The following PRR3 variants were observed in gnomAD, a reference collection of about 807,000 sequenced individuals.
PRR3 encodes proline rich 3.
Under a neutral mutation model 22.4 loss-of-function variants are expected in PRR3, and 16 were observed. The ratio of observed to expected loss-of-function variants is 0.71; its 90% CI spans 0.48 to 1.09. The LOEUF (loss-of-function observed/expected upper bound fraction) is 1.09, where lower values mean the gene tolerates loss of function less well. Among genes scored for constraint, PRR3 ranks in the 50% least tolerant of loss-of-function variants. The pLI, the probability that PRR3 is intolerant of heterozygous loss-of-function variation, is 0.00. For missense variants in PRR3, 224 were observed against 243.4 expected (o/e 0.92, Z 0.53); for synonymous variants, 87 against 88.6 (o/e 0.98, Z 0.10).
At chr6:30,558,700 A>G (rs957183911) in intron 2 of PRR3, among the ~76,000 whole-genome samples, 16 of 152,232 alleles carry the variant, frequency 1.1e-4, no homozygotes, top group African/African-American at 3.6e-4. Flanking sequence ...TAAAGCTACA[A>G]TAGTTACAAC....
chr6:30,559,205 T>C (rs1008181559), intron 2 of PRR3, among the ~76,000 whole-genome samples: 3 of 151,978 alleles, frequency 2.0e-5, no homozygotes, highest in Non-Finnish European at 4.4e-5. Context: ...GTGAAACCCC[T>C]GTCTCTACTA....
chr6:30,557,463 G>A lies in PRR3; in HGVS notation c.106+13G>A. 2 of 1,580,272 alleles carry A rather than the reference G, an allele frequency of 1.3e-6. No individual in the cohort carries two copies. The highest frequency in any genetic ancestry group is 1.7e-6 in the Non-Finnish European group (2 of 1,154,236). Reference sequence around the variant, plus strand: ...GGGAGTCCCATCGGTGAGGGGTCTGGGAGGGATGTGCACATGCCTGTCAAG... The same window carrying A: ...GGGAGTCCCATCGGTGAGGGGTCTGAGAGGGATGTGCACATGCCTGTCAAG... On this transcript the variant is annotated intron_variant, in intron 1 of 3. Transcript: ENST00000376560.
intron 3 of PRR3, 95 bp from the exon 4 acceptor site, chr6:30,562,294 G>T: frequency 1.7e-6 from 2 of 1,176,268 alleles, no homozygotes; most frequent in Non-Finnish European, 2.5e-6. Flanking sequence ...ATGGTAGGGG[G>T]TAGAAAATCA....
chr6:30,563,311 ATTCT>A lies in PRR3; in HGVS notation c.*817_*820del, dbSNP rs1800769957. 6.6e-6 allele frequency: 1 copy of A among 152,602 alleles called. No homozygotes were observed. 9.5% of individuals were successfully genotyped at this position (152,602 alleles called of 1,614,324 possible). ...CCTCCCCATTCTTCTCCTGTTGGTT[ATTCT>A]GAGTCTGACACAGACCCATGACATG... On this transcript the variant is annotated 3_prime_UTR_variant, in exon 4 of 4. Transcript: ENST00000376560.
Position 30,558,172 on chromosome 6 carries a change from TC to T in PRR3, c.135del (p.Met46TrpfsTer24). 1.9e-6 allele frequency: 3 copies of T among 1,612,500 alleles called. No individual in the cohort carries two copies. The highest frequency in any genetic ancestry group is 2.5e-6 in the Non-Finnish European group (3 of 1,179,736). ...PIGPPSLLGPPPMANGKPGDP... is the reference protein window; with the variant it reads ...PIGPPSLLGPXPMANGKPGDP... Reference sequence around the variant, plus strand: ...TAGGACCACCCAGCCTTCTGGGCCCTCCCCCCATGGCCAATGGAAAACCTGG... The same window carrying T: ...TAGGACCACCCAGCCTTCTGGGCCCTCCCCCATGGCCAATGGAAAACCTGG... On this transcript the variant is annotated frameshift_variant, in exon 2 of 4. Transcript: ENST00000376560. LOFTEE classifies it high-confidence loss of function.
Position 30,561,810 on chromosome 6 carries a change from GTCTCTCTC to G in PRR3, c.170-11_170-4del, listed in dbSNP as rs550878539. On this transcript the variant is annotated splice_polypyrimidine_tract_variant and intron_variant, in intron 2 of 3. Coordinates refer to ENST00000376560, the MANE Select transcript of PRR3 (RefSeq NM_025263.4). The surrounding 1 kb of genome is among the most constrained non-coding windows in gnomAD (Gnocchi z 4.0). ...AGCTGCCCATTAGACACCTTTCTGT[GTCTCTCTC>G]TCTCTCTCTCTCCAGCTCTTCACAG... 14 of 1,390,934 alleles carry G rather than the reference GTCTCTCTC, an allele frequency of 1.0e-5. No homozygotes were observed. The African/African-American group carries it at 1.6e-4, about 16-fold the overall frequency. The allele number at this position is 1,390,934 out of a possible 1,614,324, so 86.2% of individuals were successfully genotyped here.
upstream of PRR3, chr6:30,556,753 G>A: frequency 2.4e-6 from 1 of 411,970 alleles, no homozygotes. This position sits in a 1 kb window ranked among gnomAD's most constrained non-coding sequence, Gnocchi z 5.7. Context: ...CCGGGGGCAC[G>A]GTCAGAGGTC....
Position 30,562,626 on chromosome 6 carries a change from A to G in PRR3, c.*131A>G. 1 of 643,762 alleles carries G rather than the reference A, an allele frequency of 1.6e-6. No homozygotes were observed. The highest frequency in any genetic ancestry group is 2.7e-5 in the East Asian group (1 of 37,576). 39.9% of individuals were successfully genotyped at this position (643,762 alleles called of 1,614,324 possible). ...AGTCAGTGACACACCCATCCCATCC[A>G]CCACTTCCCCCGTGTGGGGTCCAGA... On this transcript the variant is annotated 3_prime_UTR_variant, in exon 4 of 4. Coordinates refer to ENST00000376560, the MANE Select transcript of PRR3 (RefSeq NM_025263.4).
upstream of PRR3, chr6:30,556,803 C>A: frequency 2.1e-6 from 1 of 483,698 alleles, no homozygotes; most frequent in Non-Finnish European, 3.7e-6. This position sits in a 1 kb window ranked among gnomAD's most constrained non-coding sequence, Gnocchi z 5.7. Context: ...TGGGTGCCGA[C>A]CTGTTGGGAC....
Position 30,562,507 on chromosome 6 carries a change from C to A in PRR3, c.*12C>A. 2 of 1,533,470 alleles carry A rather than the reference C, an allele frequency of 1.3e-6. No homozygotes were observed. Among genetic ancestry groups the A allele is most frequent in the Non-Finnish European group, 9.0e-7 (1 of 1,107,702 alleles). The allele number at this position is 1,533,470 out of a possible 1,614,324, so 95.0% of individuals were successfully genotyped here. A position where few individuals can be genotyped will look rare whatever the true frequency, so the allele number is the denominator to read the frequency against. On this transcript the variant is annotated 3_prime_UTR_variant, in exon 4 of 4. Coordinates refer to ENST00000376560, the MANE Select transcript of PRR3 (RefSeq NM_025263.4). Reference sequence around the variant, plus strand: ...GACCTCCTCTGTGAGACTGTGCCTTCCCATCCAGGCTGGAAGGAGCTCTCT... The same window carrying A: ...GACCTCCTCTGTGAGACTGTGCCTTACCATCCAGGCTGGAAGGAGCTCTCT...
chr6:30,556,789 G>C (rs1200646051), upstream of PRR3: 6 of 464,230 alleles, frequency 1.3e-5, no homozygotes, highest in African/African-American at 1.2e-4. This position sits in a 1 kb window ranked among gnomAD's most constrained non-coding sequence, Gnocchi z 5.7. Flanking sequence ...CGGTCTGAGA[G>C]TCCTGGGTGC....
rs557182645 is a variant in PRR3, at chr6:30,563,531, G to A, written c.*1036G>A. The stretch of plus-strand genomic sequence containing the variant: ...CTCTTCCCCTACATCCCTGGCACTG[G>A]TTGTTTTCTGTGAAAACAGCAGTGA... On this transcript the variant is annotated 3_prime_UTR_variant, in exon 4 of 4. Coordinates refer to ENST00000376560, the MANE Select transcript of PRR3 (RefSeq NM_025263.4). The A allele has an allele frequency of 6.6e-6, 1 of 152,550 alleles. No individual in the cohort carries two copies. The highest frequency in any genetic ancestry group is 1.5e-5 in the Non-Finnish European group (1 of 68,038). The allele number at this position is 152,550 out of a possible 1,614,324, so 9.4% of individuals were successfully genotyped here. A position where few individuals can be genotyped will look rare whatever the true frequency, so the allele number is the denominator to read the frequency against.
chr6:30,562,009 T>C lies in PRR3; in HGVS notation c.345T>C (p.His115=), dbSNP rs768308059. ...NAEPPFPGPG[H]GGPTRGSFHK... Reference sequence around the variant, plus strand: ...AACCTCCTTTTCCGGGGCCAGGCCATGGGGGTCCCACCAGGGGAAGCTTTC... The same window carrying C: ...AACCTCCTTTTCCGGGGCCAGGCCACGGGGGTCCCACCAGGGGAAGCTTTC... The change falls in exon 3 of 4, where the codon CAT becomes CAC. Residue 115 remains histidine, a synonymous_variant. Coordinates refer to ENST00000376560, the MANE Select transcript of PRR3 (RefSeq NM_025263.4). 10 of 1,612,856 alleles carry C rather than the reference T, an allele frequency of 6.2e-6. No individual in the cohort carries two copies. The highest frequency in any genetic ancestry group is 3.3e-5 in the South Asian group (3 of 91,086).
intron 2 of PRR3, 67 bp downstream of exon 2, chr6:30,558,279 C>A: frequency 7.7e-7 from 1 of 1,298,996 alleles, no homozygotes; most frequent in Non-Finnish European, 1.1e-6. Flanking sequence ...GGGGATAAAA[C>A]CCAGGAAGGA....
chr6:30,562,011 G>T lies in PRR3; in HGVS notation c.347G>T (p.Gly116Val). 1 of 1,613,002 alleles carries T rather than the reference G, an allele frequency of 6.2e-7. No individual in the cohort carries two copies. Among genetic ancestry groups the T allele is most frequent in the Non-Finnish European group, 8.5e-7 (1 of 1,180,018 alleles). Residue 116 changes from glycine (G) to valine (V), a missense_variant, in exon 3 of 4, where the codon GGG becomes GTG. Coordinates refer to ENST00000376560, the MANE Select transcript of PRR3 (RefSeq NM_025263.4). ...CCTCCTTTTCCGGGGCCAGGCCATGGGGGTCCCACCAGGGGAAGCTTTCAC... is the reference window on the plus strand; with the variant it reads ...CCTCCTTTTCCGGGGCCAGGCCATGTGGGTCCCACCAGGGGAAGCTTTCAC... Reference protein sequence around the residue: ...AEPPFPGPGHGGPTRGSFHKE... With the variant: ...AEPPFPGPGHVGPTRGSFHKE...
At chr6:30,557,569 G>A (rs1582528317) in intron 1 of PRR3, 119 bp downstream of exon 1, 1 of 683,312 alleles carries the variant, frequency 1.5e-6, no homozygotes, top group East Asian at 2.7e-5. Flanking sequence ...CACGCGCTGG[G>A]GAGGGATGGA....
chr6:30,562,238 T>G, intron 3 of PRR3, 114 bp downstream of exon 3: 1 of 1,275,912 alleles, frequency 7.8e-7, no homozygotes, highest in Non-Finnish European at 1.1e-6. Flanking sequence ...TAGACCTCAA[T>G]GTTATTTCTC....
rs1561763040 is a variant in PRR3, at chr6:30,561,874, T to G, written c.210T>G (p.Ile70Met). 3 of 1,592,068 alleles carry G rather than the reference T, an allele frequency of 1.9e-6. No individual in the cohort carries two copies. The highest frequency in any genetic ancestry group is 2.6e-6 in the Non-Finnish European group (3 of 1,169,706). ...CTCCAGGATCAAGGGGACCACTGAT[T>G]CCACCACTGCTGAGTCTCCCACCTC... ...RGPPGSRGPL[I>M]PPLLSLPPPP... is the part of the protein sequence containing the mutation. Residue 70 changes from isoleucine to methionine, a missense_variant, in exon 3 of 4, where the codon ATT (isoleucine) becomes ATG (methionine). By Grantham distance (10) the Ile-to-Met change is conservative. Coordinates refer to ENST00000376560, the MANE Select transcript of PRR3 (RefSeq NM_025263.4). This position sits in a 1 kb window ranked among gnomAD's most constrained non-coding sequence, Gnocchi z 4.0.
At chr6:30,557,161 G>C (rs917181183), upstream of PRR3, 1 of 704,046 alleles carries the variant, frequency 1.4e-6, no homozygotes. Flanking sequence ...GCCTGGCAGA[G>C]ACGGAGGGAG....
Sources: gnomAD v4.1 joint callset for allele counts (sites outside exome capture counted in the v4.1 genomes callset) on GRCh38, gnomAD v4.1.1 for gene constraint, Gnocchi (gnomAD v3.1) non-coding constraint, MANE v1.5 for transcripts, NCBI Gene and HGNC (gene_info 2026-07-23, HGNC 2026-07-21) for gene names.